ANLN: variants seen among roughly 807,000 people sequenced by gnomAD.
The protein encoded by ANLN is anillin, actin binding protein, also known as anillin.
Under a neutral mutation model 135.1 loss-of-function variants are expected in ANLN, and 59 were observed. The ratio of observed to expected loss-of-function variants is 0.44; its 90% confidence interval spans 0.35 to 0.54. The LOEUF is 0.54. ANLN is among the 20% of genes least tolerant of loss of function. The probability of loss-of-function intolerance (pLI) is 0.00; values close to 1 mark genes in which losing one functional copy is unlikely to be tolerated. For missense variants in ANLN, 1,182 were observed against 1,340.0 expected, an observed-to-expected ratio of 0.88 and a Z score of 1.84; for synonymous variants, 406 against 456.4, an observed-to-expected ratio of 0.89 and a Z score of 1.41.
At chr7:36,402,608 C>T (rs988597320) in intron 3 of ANLN, among the ~76,000 whole-genome samples, 2 of 152,150 alleles carry the variant, frequency 1.3e-5, no homozygotes, top group Admixed American at 1.3e-4. Flanking sequence ...TCAAACGTAT[C>T]TCTCTATTTT....
At chr7:36,407,595 T>A in intron 4 of ANLN, 139 bp from the exon 5 acceptor site, 1 of 662,138 alleles carries the variant, frequency 1.5e-6, no homozygotes, top group Admixed American at 3.1e-5. Flanking sequence ...ATTTGTTTGA[T>A]CTATTAGAGA....
intron 7 of ANLN, among the ~76,000 whole-genome samples, chr7:36,412,814 A>G (rs758795232): frequency 2.6e-5 from 4 of 152,120 alleles, no homozygotes; most frequent in Non-Finnish European, 4.4e-5. Flanking sequence ...GGCTATTTGC[A>G]GTTTCTCAAA....
chr7:36,390,342 C>T (rs1786384807), intron 1 of ANLN: 2 of 459,536 alleles, frequency 4.4e-6, no homozygotes, highest in Non-Finnish European at 4.0e-6. Context: ...CTCTGCAGTC[C>T]TGGCGCAGCA....
intron 22 of ANLN, 21 bp downstream of exon 22, chr7:36,443,883 T>G (rs765719597): frequency 2.6e-6 from 4 of 1,529,900 alleles, no homozygotes; most frequent in Non-Finnish European, 3.6e-6. Context: ...TAGTACTGTT[T>G]AGTGGTGAAA....
At chr7:36,408,356 G>A (rs1377547306) in intron 5 of ANLN, among the ~76,000 whole-genome samples, 1 of 152,024 alleles carries the variant, frequency 6.6e-6, no homozygotes, top group Non-Finnish European at 1.5e-5. Flanking sequence ...TAATAGCAGA[G>A]GGAAGTGAAT....
chr7:36,406,293 C>T lies in ANLN; in HGVS notation c.600C>T (p.Gly200=), dbSNP rs1413825584. ...NASATPVGRR[G]RLANLAATIC... is the part of the protein sequence containing the mutation. ...CGGCAACTCCAGTTGGCAGAAGGGG[C>T]CGTCTGGCCAATCTTGCTGCAACTA... is the stretch of plus-strand genomic sequence containing the variant. The change falls in exon 4 of 24, where the codon GGC becomes GGT. Residue 200 remains glycine (G), a synonymous_variant. Coordinates refer to ENST00000265748, the MANE Select transcript of ANLN (RefSeq NM_018685.5). 5.0e-6 allele frequency: 8 copies of T among 1,614,172 alleles called. No homozygotes were observed. Among genetic ancestry groups the T allele is most frequent in the Non-Finnish European group, 6.8e-6 (8 of 1,180,006 alleles).
chr7:36,427,292 AC>A (rs1788123466), intron 20 of ANLN, among the ~76,000 whole-genome samples: 1 of 151,174 alleles, frequency 6.6e-6, no homozygotes, highest in Admixed American at 6.6e-5. Context: ...AAGAAGTATT[AC>A]TTCCTGCATT....
intron 21 of ANLN, among the ~76,000 whole-genome samples, chr7:36,441,775 G>A (rs1223202644): frequency 1.3e-5 from 2 of 152,178 alleles, no homozygotes; most frequent in Non-Finnish European, 2.9e-5. Context: ...AAGTTACCTT[G>A]TCTGTTTATT....
chr7:36,406,105 A>AT, intron 3 of ANLN, 76 bp from the exon 4 acceptor site: 1 of 1,413,776 alleles, frequency 7.1e-7, no homozygotes, highest in Admixed American at 2.3e-5. Context: ...AAAATTCAGC[A>AT]TAGAGTGATC....
At chr7:36,439,328 C>A in intron 21 of ANLN, 38 bp downstream of exon 21, 1 of 1,177,480 alleles carries the variant, frequency 8.5e-7, no homozygotes, top group Non-Finnish European at 1.2e-6. Flanking sequence ...TCCTTTTTTC[C>A]ATTTTGTGAA....
intron 3 of ANLN, among the ~76,000 whole-genome samples, chr7:36,405,076 A>G (rs1171055698): frequency 6.6e-6 from 1 of 152,256 alleles, no homozygotes; most frequent in Non-Finnish European, 1.5e-5. Flanking sequence ...GACTGCATAT[A>G]CAATGGTAGT....
chr7:36,391,320 T>TTAGCC (rs1332851340), intron 1 of ANLN, among the ~76,000 whole-genome samples: 4 of 152,236 alleles, frequency 2.6e-5, no homozygotes, highest in South Asian at 2.1e-4. Flanking sequence ...CCTTAAAACA[T>TTAGCC]TAGCCCTATG....
chr7:36,396,446 C>A, intron 2 of ANLN, 27 bp downstream of exon 2: 1 of 1,522,444 alleles, frequency 6.6e-7, no homozygotes, highest in South Asian at 1.3e-5. Context: ...GGAAAAATAA[C>A]ATTTACTTTT....
At chr7:36,400,245 G>A (rs191149372) in intron 3 of ANLN, among the ~76,000 whole-genome samples, 86 of 152,342 alleles carry the variant, frequency 5.6e-4, no homozygotes, top group African/African-American at 2.0e-3. Flanking sequence ...AGTAAGAGCT[G>A]AGAGAACTTT....
intron 3 of ANLN, chr7:36,403,460 G>A (rs1787049617): frequency 6.6e-6 from 1 of 152,166 alleles, no homozygotes; most frequent in Admixed American, 6.5e-5. Context: ...AAATAGAAAG[G>A]GAGTGATATA....
chr7:36,447,970 C>T (rs1789083306), intron 22 of ANLN, among the ~76,000 whole-genome samples: 1 of 152,102 alleles, frequency 6.6e-6, no homozygotes, highest in Non-Finnish European at 1.5e-5. Context: ...CACACACCCC[C>T]TGCCATCACC....
At chr7:36,424,461 CTTGTAAGAGTA>C in intron 15 of ANLN, 73 bp from the exon 16 acceptor site, 1 of 1,130,396 alleles carries the variant, frequency 8.8e-7, no homozygotes, top group Non-Finnish European at 1.3e-6. Context: ...TACTTAGAGT[CTTGTAAGAGTA>C]TTTGTAGCAT....
At chr7:36,440,035 A>G (rs1788702617) in intron 21 of ANLN, among the ~76,000 whole-genome samples, 1 of 152,260 alleles carries the variant, frequency 6.6e-6, no homozygotes, top group African/African-American at 2.4e-5. Flanking sequence ...AAGACTAGTC[A>G]GTTCCCACCA....
At chr7:36,408,433 GA>G (rs1258105207) in intron 5 of ANLN, among the ~76,000 whole-genome samples, 1 of 151,950 alleles carries the variant, frequency 6.6e-6, no homozygotes, top group African/African-American at 2.4e-5. Context: ...AGAAATTTTT[GA>G]AAAAATTGCT....
Sources: allele counts gnomAD v4.1 joint callset (sites outside exome capture counted in the v4.1 genomes callset), GRCh38; gene constraint gnomAD v4.1.1; transcripts MANE v1.5; gene names NCBI Gene and HGNC (gene_info 2026-07-23, HGNC 2026-07-21).